ROBO2: variants seen among roughly 807,000 people sequenced by gnomAD.
ROBO2 encodes roundabout homolog 2.
Under a neutral mutation model 160.8 loss-of-function variants are expected in ROBO2, and 53 were observed. The ratio of observed to expected loss-of-function variants is 0.33; its 90% CI spans 0.26 to 0.41. ROBO2 has a LOEUF of 0.41. Among genes scored for constraint, ROBO2 ranks in the 10% least tolerant of loss-of-function variants. ROBO2 has a pLI of 1.00. For synonymous variants in ROBO2, 664 were observed against 611.7 expected, an observed-to-expected ratio of 1.09 and a Z score of -1.26; for missense variants, 1,577 against 1,722.4, an observed-to-expected ratio of 0.92 and a Z score of 1.49.
chr3:76,016,446 C>T lies in ROBO2; in HGVS notation c.109+78844C>T, dbSNP rs111663935. Among the ~76,000 whole-genome samples, 404 of 151,420 alleles carry T rather than the reference C, an allele frequency of 2.7e-3. 1 individual carries two copies. Among genetic ancestry groups the T allele is most frequent in the African/African-American group, 9.5e-3 (391 of 41,238 alleles). Reference sequence around the variant, plus strand: ...CTCGTATCAGTGCCTAGCTCGGATGCTAATTCACAAGAAAAACGATTGTCA... The same window carrying T: ...CTCGTATCAGTGCCTAGCTCGGATGTTAATTCACAAGAAAAACGATTGTCA... On this transcript the variant is annotated intron_variant, in intron 2 of 26. Transcript: ENST00000487694.
At chr3:77,081,033 A>G (rs1359682108) in intron 1 of ROBO2, among the ~76,000 whole-genome samples, 1 of 152,098 alleles carries the variant, frequency 6.6e-6, no homozygotes, top group Non-Finnish European at 1.5e-5. Context: ...TTTTGTTCTC[A>G]TGATTCTGTG....
Position 77,616,870 on chromosome 3 carries a change from GT to G in ROBO2, c.3294-637del, listed in dbSNP as rs940030922. Reference sequence around the variant, plus strand: ...TTAAAAGGATAGATCTCGTGTTAAAGTTTTTTACTACAATAAAAGTATTATT... The same window carrying G: ...TTAAAAGGATAGATCTCGTGTTAAAGTTTTTACTACAATAAAAGTATTATT... On this transcript the variant is annotated intron_variant, in intron 21 of 25. Transcript: ENST00000461745. 9.9e-5 allele frequency among the ~76,000 whole-genome samples: 15 copies of G among 152,102 alleles called. 1 individual carries two copies. Among genetic ancestry groups the G allele is most frequent in the African/African-American group, 2.4e-4 (10 of 41,482 alleles).
intron 2 of ROBO2, among the ~76,000 whole-genome samples, chr3:77,261,046 C>G (rs562462641): frequency 6.6e-6 from 1 of 152,160 alleles, no homozygotes; most frequent in Admixed American, 6.5e-5. Flanking sequence ...CATTCCCAGG[C>G]TCACGGTTTC....
At chr3:77,564,077 G>A (rs565357059) in intron 11 of ROBO2, among the ~76,000 whole-genome samples, 1 of 151,888 alleles carries the variant, frequency 6.6e-6, no homozygotes, top group Non-Finnish European at 1.5e-5. Context: ...TAAACATTAG[G>A]ACAAATGATC....
At chr3:76,356,566 A>G (rs906069287) in intron 2 of ROBO2, among the ~76,000 whole-genome samples, 1 of 151,740 alleles carries the variant, frequency 6.6e-6, no homozygotes, top group African/African-American at 2.4e-5. Flanking sequence ...TAACAATTAT[A>G]TAAGGGTCAG....
intron 1 of ROBO2, among the ~76,000 whole-genome samples, chr3:77,053,226 T>G (rs1164022897): frequency 6.6e-6 from 1 of 152,198 alleles, no homozygotes; most frequent in Non-Finnish European, 1.5e-5. Flanking sequence ...TGCCATACTG[T>G]TTTTCAGCAT....
intron 2 of ROBO2, among the ~76,000 whole-genome samples, chr3:76,557,743 G>A (rs1187151342): frequency 6.6e-6 from 1 of 150,632 alleles, no homozygotes; most frequent in Non-Finnish European, 1.5e-5. Flanking sequence ...AATTTGAATT[G>A]ATAGTATTCT....
intron 2 of ROBO2, among the ~76,000 whole-genome samples, chr3:77,193,854 AC>A (rs1489786641): frequency 6.6e-6 from 1 of 151,942 alleles, no homozygotes; most frequent in East Asian, 1.9e-4. Flanking sequence ...AGTGAAGCCT[AC>A]CCCCTCCTTT....
chr3:77,071,742 G>A (rs1241838018), intron 1 of ROBO2, among the ~76,000 whole-genome samples: 1 of 152,062 alleles, frequency 6.6e-6, no homozygotes. Context: ...ACGTGATTAG[G>A]AAACCATCAG....
intron 2 of ROBO2, among the ~76,000 whole-genome samples, chr3:76,922,417 A>G (rs2076728014): frequency 6.6e-6 from 1 of 152,222 alleles, no homozygotes; most frequent in South Asian, 2.1e-4. Context: ...CTTCGAGAGC[A>G]TGAGGAGGAA....
At position 76,048,602 on chromosome 3, in the gene ROBO2, G is replaced by T. The variant is rs150742959; in HGVS notation, c.109+111000G>T. Reference sequence around the variant, plus strand: ...TGCACTGCAGATGAGATTATGGATTGTCACACTAGTTAAAAAAACAATATG... The same window carrying T: ...TGCACTGCAGATGAGATTATGGATTTTCACACTAGTTAAAAAAACAATATG... On this transcript the variant is annotated intron_variant, in intron 2 of 26. Transcript: ENST00000487694. Among the ~76,000 whole-genome samples, 760 of 152,198 alleles carry T rather than the reference G, an allele frequency of 5.0e-3. 5 individuals carry two copies. The highest frequency in any genetic ancestry group is 0.014 in the Middle Eastern group (4 of 294).
intron 19 of ROBO2, among the ~76,000 whole-genome samples, chr3:77,597,997 G>A (rs1429424798): frequency 6.6e-6 from 1 of 152,152 alleles, no homozygotes; most frequent in Non-Finnish European, 1.5e-5. Context: ...CATCCAGCCT[G>A]CTGCTGGATG....
intron 2 of ROBO2, among the ~76,000 whole-genome samples, chr3:76,292,550 C>A (rs1468096512): frequency 6.6e-6 from 1 of 152,038 alleles, no homozygotes; most frequent in Non-Finnish European, 1.5e-5. Context: ...TAAGAAGGAC[C>A]TGTGATGTTT....
At chr3:76,595,224 A>C (rs983203300) in intron 2 of ROBO2, among the ~76,000 whole-genome samples, 2 of 152,106 alleles carry the variant, frequency 1.3e-5, no homozygotes, top group Non-Finnish European at 2.9e-5. Flanking sequence ...AAACAGACTA[A>C]GACAGAATAC....
chr3:76,216,181 A>C (rs549966709), intron 2 of ROBO2, among the ~76,000 whole-genome samples: 1 of 152,138 alleles, frequency 6.6e-6, no homozygotes, highest in South Asian at 2.1e-4. Context: ...GGAAAGGAAC[A>C]ACTGGTAAAA....
intron 2 of ROBO2, among the ~76,000 whole-genome samples, chr3:76,253,467 T>A (rs895969672): frequency 1.3e-5 from 2 of 151,460 alleles, no homozygotes; most frequent in African/African-American, 2.4e-5. Flanking sequence ...AGAGATCAGA[T>A]CTTGCTATGT....
At chr3:76,403,128 A>G (rs2077936653) in intron 2 of ROBO2, among the ~76,000 whole-genome samples, 1 of 151,536 alleles carries the variant, frequency 6.6e-6, no homozygotes, top group African/African-American at 2.4e-5. Flanking sequence ...TTCCCTTGGC[A>G]TAAACCTCTG....
intron 23 of ROBO2, 194 bp from the exon 25 acceptor site, chr3:77,634,676 T>A: frequency 1.6e-6 from 1 of 609,888 alleles, no homozygotes; most frequent in Non-Finnish European, 2.9e-6. Flanking sequence ...TGTTAGCTTA[T>A]TAAAAATTGA....
intron 1 of ROBO2, among the ~76,000 whole-genome samples, chr3:77,068,538 T>C (rs1034239444): frequency 1.1e-4 from 17 of 152,086 alleles, no homozygotes; most frequent in Admixed American, 1.3e-4. Context: ...AACTCTTATC[T>C]CTCACTAACT....
Sources: allele counts gnomAD v4.1 joint callset (sites outside exome capture counted in the v4.1 genomes callset), GRCh38; gene constraint gnomAD v4.1.1; transcripts MANE v1.5; gene names NCBI Gene and HGNC (gene_info 2026-07-23, HGNC 2026-07-21).